Variants in IL10RB observed in about 807,000 individuals in gnomAD.
The protein encoded by IL10RB is interleukin 10 receptor subunit beta.
Under a neutral mutation model 38.7 loss-of-function variants are expected in IL10RB, and 30 were observed. That is an observed-to-expected ratio of 0.78 (90% CI 0.58 to 1.05). The LOEUF is 1.05. Among genes scored for constraint, IL10RB ranks in the 50% least tolerant of loss-of-function variants. The pLI is 0.00. For missense variants in IL10RB, 328 were observed against 397.1 expected (o/e 0.83, Z 1.48); for synonymous variants, 142 against 145.9 (o/e 0.97, Z 0.19).
chr21:33,267,563 T>C (rs1245224184), intron 1 of IL10RB, among the ~76,000 whole-genome samples: 1 of 147,648 alleles, frequency 6.8e-6, no homozygotes, highest in African/African-American at 2.5e-5. Flanking sequence ...TGGCCCAGGC[T>C]GGAGTGCAGT....
downstream of IL10RB, among the ~76,000 whole-genome samples, chr21:33,301,342 T>C (rs2082985409): frequency 6.6e-6 from 1 of 152,222 alleles, no homozygotes; most frequent in Non-Finnish European, 1.5e-5. Flanking sequence ...TGTCTTTGTT[T>C]CCATGCCCAT....
At chr21:33,306,681 G>A (rs73191847) in intron 1 of IL10RB, among the ~76,000 whole-genome samples, 24,528 of 151,824 alleles carry the variant, frequency 0.16, 2,387 homozygotes, top group East Asian at 0.37. Flanking sequence ...CTACAGGTTC[G>A]TGCCACCATG....
chr21:33,278,860 C>G (rs771677870), intron 3 of IL10RB, among the ~76,000 whole-genome samples: 7 of 152,266 alleles, frequency 4.6e-5, no homozygotes, highest in Non-Finnish European at 8.8e-5. Flanking sequence ...CATTAACAGC[C>G]CTGAAAAAGT....
chr21:33,293,882 C>T (rs980540809), intron 6 of IL10RB: 1 of 414,230 alleles, frequency 2.4e-6, no homozygotes, highest in Non-Finnish European at 4.9e-6. Flanking sequence ...TTTGAGAAGC[C>T]ACAGCTGCAG....
intron 2 of IL10RB, among the ~76,000 whole-genome samples, chr21:33,273,487 C>T (rs1989116309): frequency 6.6e-6 from 1 of 152,168 alleles, no homozygotes; most frequent in Admixed American, 6.5e-5. Context: ...TCCTTTTGCT[C>T]GTGGAGCATC....
chr21:33,299,412 CAT>C (rs1465471255), downstream of IL10RB, among the ~76,000 whole-genome samples: 1 of 152,222 alleles, frequency 6.6e-6, no homozygotes. Context: ...TAGCAGAAAA[CAT>C]ATGTCCAGTT....
At chr21:33,281,262 G>A (rs1407173347) in intron 4 of IL10RB, among the ~76,000 whole-genome samples, 2 of 152,232 alleles carry the variant, frequency 1.3e-5, no homozygotes, top group Non-Finnish European at 2.9e-5. Context: ...CTGATCAAAT[G>A]CAGGCATCTC....
At chr21:33,297,425 G>T (rs1379656270), downstream of IL10RB, among the ~76,000 whole-genome samples, 1 of 146,270 alleles carries the variant, frequency 6.8e-6, no homozygotes, top group Non-Finnish European at 1.5e-5. Context: ...GGCCAGATCC[G>T]TTATTAAAAA....
At chr21:33,282,697 C>T (rs970133467) in intron 4 of IL10RB, among the ~76,000 whole-genome samples, 3 of 152,082 alleles carry the variant, frequency 2.0e-5, no homozygotes, top group Non-Finnish European at 2.9e-5. Context: ...GATTCTCGTG[C>T]GCCACCACGC....
intron 1 of IL10RB, among the ~76,000 whole-genome samples, chr21:33,306,329 A>C (rs2082998854): frequency 6.6e-6 from 1 of 152,244 alleles, no homozygotes; most frequent in Admixed American, 6.5e-5. Flanking sequence ...TTGGAGGTTT[A>C]TACTGAAAAG....
chr21:33,300,810 G>A (rs1329799971), downstream of IL10RB, among the ~76,000 whole-genome samples: 2 of 152,254 alleles, frequency 1.3e-5, no homozygotes, highest in Admixed American at 6.5e-5. Flanking sequence ...GTTCTCAGAG[G>A]TGTTTGAACC....
intron 6 of IL10RB, among the ~76,000 whole-genome samples, chr21:33,295,394 G>A (rs928279528): frequency 5.3e-5 from 8 of 150,404 alleles, no homozygotes; most frequent in Admixed American, 1.3e-4. Flanking sequence ...AAGATTGGCC[G>A]GGCATGGTGG....
intron 2 of IL10RB, among the ~76,000 whole-genome samples, chr21:33,272,039 T>C (rs1989091501): frequency 6.6e-6 from 1 of 152,126 alleles, no homozygotes; most frequent in African/African-American, 2.4e-5. Flanking sequence ...ACCCCCTTAA[T>C]GAAATGACCG....
rs546931945 is a variant in IL10RB, at chr21:33,294,050, G to A, written c.805-2134G>A. 14 of 471,142 alleles carry A rather than the reference G, an allele frequency of 3.0e-5. No homozygotes were observed. The East Asian group carries it at 4.2e-4, about 14-fold the overall frequency. The allele number at this position is 471,142 out of a possible 1,614,324, so 29.2% of individuals were successfully genotyped here. A position where few individuals can be genotyped will look rare whatever the true frequency, so the allele number is the denominator to read the frequency against. On this transcript the variant is annotated intron_variant, in intron 6 of 6. Transcript: ENST00000290200. Reference sequence around the variant, plus strand: ...ACAGGAAAGAACAGACGGAATGAACGGTAGAGGGGCCTGCTGGCATAAGCT... The same window carrying A: ...ACAGGAAAGAACAGACGGAATGAACAGTAGAGGGGCCTGCTGGCATAAGCT...
chr21:33,283,119 T>C lies in IL10RB; in HGVS notation c.524T>C (p.Phe175Ser), dbSNP rs1435875739. Residue 175 changes from phenylalanine to serine, a missense_variant, in exon 5 of 7, where the codon TTT (phenylalanine) becomes TCT (serine). By Grantham distance (155) the Phe-to-Ser change is radical. Coordinates refer to ENST00000290200, the MANE Select transcript of IL10RB (RefSeq NM_000628.5). ...EKFQITPQYD[F>S]EVLRNLEPWT... Reference sequence around the variant, plus strand: ...TTTCAAATTACTCCCCAGTATGACTTTGAGGTCCTCAGAAACCTGGAGCCA... The same window carrying C: ...TTTCAAATTACTCCCCAGTATGACTCTGAGGTCCTCAGAAACCTGGAGCCA... 6 of 1,613,642 alleles carry C rather than the reference T, an allele frequency of 3.7e-6. No individual in the cohort carries two copies. In the African/African-American group the frequency reaches 8.0e-5, roughly 22 times the overall value.
chr21:33,281,224 A>G (rs1989274208), intron 4 of IL10RB, among the ~76,000 whole-genome samples: 1 of 152,226 alleles, frequency 6.6e-6, no homozygotes, highest in Non-Finnish European at 1.5e-5. Flanking sequence ...GTTAAGTTTC[A>G]GCATATGAAT....
intron 4 of IL10RB, among the ~76,000 whole-genome samples, chr21:33,281,881 G>A (rs924046021): frequency 2.6e-5 from 4 of 152,198 alleles, no homozygotes; most frequent in African/African-American, 4.8e-5. Flanking sequence ...GGGAGAAAGT[G>A]AGAAGATAAA....
intron 1 of IL10RB, among the ~76,000 whole-genome samples, chr21:33,306,788 T>C (rs748710746): frequency 3.3e-5 from 5 of 152,132 alleles, no homozygotes; most frequent in Non-Finnish European, 7.4e-5. Context: ...CCTCCTGCCT[T>C]GACTTTCCAA....
chr21:33,273,896 G>A (rs532725336), intron 2 of IL10RB, among the ~76,000 whole-genome samples: 10 of 152,192 alleles, frequency 6.6e-5, no homozygotes, highest in South Asian at 4.1e-4. Context: ...TTCGGGTTCC[G>A]CTTCTAATTC....
Sources: gnomAD v4.1 joint callset for allele counts (sites outside exome capture counted in the v4.1 genomes callset) on GRCh38, gnomAD v4.1.1 for gene constraint, MANE v1.5 for transcripts, NCBI Gene and HGNC (gene_info 2026-07-23, HGNC 2026-07-21) for gene names.